Variants in CALN1 observed in about 807,000 individuals in gnomAD.
CALN1 encodes the protein calcium-binding protein 8.
In CALN1, 17 loss-of-function variants were observed where a neutral mutation model predicts 30.6. That is an observed-to-expected ratio of 0.56 (90% confidence interval 0.38 to 0.83). CALN1 has a LOEUF of 0.83. Among genes scored for constraint, CALN1 ranks in the 40% least tolerant of loss-of-function variants. CALN1 has a pLI of 0.00. For missense variants in CALN1, 291 were observed against 354.9 expected, an observed-to-expected ratio of 0.82 and a Z score of 1.45; for synonymous variants, 156 against 131.4, an observed-to-expected ratio of 1.19 and a Z score of -1.28.
chr7:72,387,131 A>G (rs1284007639), intron 2 of CALN1, among the ~76,000 whole-genome samples: 1 of 149,884 alleles, frequency 6.7e-6, no homozygotes, highest in Non-Finnish European at 1.5e-5. Context: ...ATCATAACCC[A>G]AAGTATAAAA....
chr7:72,096,840 C>G (rs1045426868), intron 4 of CALN1, among the ~76,000 whole-genome samples: 10 of 152,194 alleles, frequency 6.6e-5, no homozygotes, highest in African/African-American at 2.4e-4. Flanking sequence ...AATCATGCTG[C>G]TATAAAGACA....
chr7:71,811,664 G>A (rs1056461138), intron 5 of CALN1, among the ~76,000 whole-genome samples: 2 of 136,330 alleles, frequency 1.5e-5, no homozygotes, highest in South Asian at 2.3e-4. Flanking sequence ...TGATAGTGTC[G>A]CTTTCTTTTT....
At chr7:72,407,869 CAG>C (rs971191994) in intron 1 of CALN1, among the ~76,000 whole-genome samples, 13 of 152,228 alleles carry the variant, frequency 8.5e-5, no homozygotes, top group African/African-American at 2.2e-4. Flanking sequence ...TCACGGAGCT[CAG>C]AGAGTCAAGC....
chr7:71,927,786 G>T (rs1011908773), intron 5 of CALN1, among the ~76,000 whole-genome samples: 1 of 152,136 alleles, frequency 6.6e-6, no homozygotes, highest in Admixed American at 6.5e-5. Flanking sequence ...AAGTCTTGCA[G>T]ATCAGGTTTT....
chr7:72,084,839 G>C (rs1050656599), intron 4 of CALN1, among the ~76,000 whole-genome samples: 1 of 152,160 alleles, frequency 6.6e-6, no homozygotes, highest in Non-Finnish European at 1.5e-5. Context: ...GTCAACTGCG[G>C]TTGGAAAATA....
At chr7:72,486,859 A>C in the CALN1 span, among the ~76,000 whole-genome samples, 2 of 152,212 alleles carry the variant, frequency 1.3e-5, no homozygotes, top group Non-Finnish European at 2.9e-5. Flanking sequence ...GATTTCTTAT[A>C]AAACATCAAA....
intron 3 of CALN1, among the ~76,000 whole-genome samples, chr7:72,192,084 C>A (rs1182146165): frequency 2.0e-5 from 3 of 152,154 alleles, no homozygotes; most frequent in Non-Finnish European, 4.4e-5. Flanking sequence ...CAAAGCCAGT[C>A]ATGTTGCATC....
At chr7:72,494,694 A>G in the CALN1 span, among the ~76,000 whole-genome samples, 1 of 144,400 alleles carries the variant, frequency 6.9e-6, no homozygotes, top group African/African-American at 2.6e-5. Context: ...CCCCATCTCT[A>G]CAAAAAAAAA....
intron 3 of CALN1, among the ~76,000 whole-genome samples, chr7:72,245,826 C>T (rs745810594): frequency 1.3e-5 from 2 of 152,136 alleles, no homozygotes; most frequent in Non-Finnish European, 2.9e-5. Flanking sequence ...GTTCTTCTTT[C>T]AATAGCGACT....
intron 3 of CALN1, among the ~76,000 whole-genome samples, chr7:72,179,122 A>G (rs1402147350): frequency 6.6e-6 from 1 of 152,238 alleles, no homozygotes; most frequent in African/African-American, 2.4e-5. Flanking sequence ...AATTGGGTGA[A>G]AAGTTGATCT....
At chr7:72,298,884 C>G (rs9638648) in intron 2 of CALN1, among the ~76,000 whole-genome samples, 3 of 151,900 alleles carry the variant, frequency 2.0e-5, no homozygotes, top group Admixed American at 2.0e-4. Context: ...CACGTCAAGT[C>G]GTGACTTGCT....
chr7:72,287,435 A>ATTTTTTTTTTTT (rs71069052), intron 2 of CALN1, among the ~76,000 whole-genome samples: 1 of 68,088 alleles, frequency 1.5e-5, no homozygotes, highest in Non-Finnish European at 2.5e-5. Context: ...CACCAAATTA[A>ATTTTTTTTTTTT]TTTTTTTTTT....
intron 1 of CALN1, among the ~76,000 whole-genome samples, chr7:72,408,809 C>A (rs1002673288): frequency 1.3e-5 from 2 of 151,176 alleles, no homozygotes; most frequent in African/African-American, 2.4e-5. Flanking sequence ...CCCTCAGTAG[C>A]TGGGACTACA....
rs144211367 is a variant in CALN1 at position 72,265,042 on chromosome 7, G to A, written c.244+13644C>T. Among the ~76,000 whole-genome samples the A allele has an allele frequency of 5.2e-3, 796 of 152,234 alleles. 4 individuals are homozygous for A. Among genetic ancestry groups the A allele is most frequent in the Non-Finnish European group, 8.4e-3 (571 of 68,020 alleles). On this transcript the variant is annotated intron_variant, in intron 3 of 6. Transcript: ENST00000395275. Reference sequence around the variant, plus strand: ...ATTTGTAGAGACAGGGTTTTGTCTCGAACTTCTGGCCTCCAGTTATCCTCC... The same window carrying A: ...ATTTGTAGAGACAGGGTTTTGTCTCAAACTTCTGGCCTCCAGTTATCCTCC...
At chr7:71,788,488 GTTGT>G (rs1793111737) in intron 6 of CALN1, among the ~76,000 whole-genome samples, 2 of 120,502 alleles carry the variant, frequency 1.7e-5, no homozygotes, top group Non-Finnish European at 3.4e-5. Flanking sequence ...GTTTTTTTTT[GTTGT>G]TTTTTTTTTT....
intron 5 of CALN1, among the ~76,000 whole-genome samples, chr7:71,852,654 TA>T (rs1562841122): frequency 1.3e-5 from 2 of 152,122 alleles, no homozygotes; most frequent in Non-Finnish European, 2.9e-5. Context: ...AAAGTGATCG[TA>T]ACATTTTACA....
chr7:71,979,804 C>G (rs895318191), intron 5 of CALN1, among the ~76,000 whole-genome samples: 1 of 151,450 alleles, frequency 6.6e-6, no homozygotes, highest in Non-Finnish European at 1.5e-5. Flanking sequence ...TGCTAGCATC[C>G]AGAAAACCAT....
the CALN1 span, among the ~76,000 whole-genome samples, chr7:72,494,868 A>AT: frequency 6.7e-6 from 1 of 149,724 alleles, no homozygotes; most frequent in Non-Finnish European, 1.5e-5. Flanking sequence ...CCCTGTCTCA[A>AT]AAATAATAAT....
chr7:72,083,637 T>C (rs1258100525), intron 4 of CALN1, among the ~76,000 whole-genome samples: 1 of 151,872 alleles, frequency 6.6e-6, no homozygotes, highest in Non-Finnish European at 1.5e-5. Flanking sequence ...AAAATACATA[T>C]AGGCCAGGCA....
Sources: gnomAD v4.1 joint callset for allele counts (sites outside exome capture counted in the v4.1 genomes callset) on GRCh38, gnomAD v4.1.1 for gene constraint, MANE v1.5 for transcripts, NCBI Gene and HGNC (gene_info 2026-07-23, HGNC 2026-07-21) for gene names.